The following MIAT variants were observed in gnomAD, a reference collection of about 807,000 sequenced individuals.
The protein encoded by MIAT is myocardial infarction associated transcript, also known as MI related novel mRNA.
chr22:26,668,970 T>C (rs1930952505), exon 6 of MIAT: 1 of 398,534 alleles, frequency 2.5e-6, no homozygotes, highest in South Asian at 1.3e-4. Flanking sequence ...TGGGTTTTTT[T>C]TCCTGCCATC....
intron 2 of MIAT, among the ~76,000 whole-genome samples, chr22:26,662,195 A>C (rs1446624411): frequency 6.6e-6 from 1 of 151,896 alleles, no homozygotes; most frequent in Non-Finnish European, 1.5e-5. Flanking sequence ...GGCCTCAAGC[A>C]ATTCTCCTGC....
rs546265081 is a variant in MIAT, at chr22:26,669,142, T to C, written n.3247T>C. The C allele has an allele frequency of 1.0e-5, 4 of 398,548 alleles. No individual in the cohort carries two copies. The South Asian group carries it at 5.1e-4, about 51-fold the overall frequency. 24.7% of individuals were successfully genotyped at this position (398,548 alleles called of 1,614,324 possible). A position where few individuals can be genotyped will look rare whatever the true frequency, so the allele number is the denominator to read the frequency against. ...AGGCCCCACAATCTGCAATTCCAGC[T>C]CCCTCCAGAGGAGACAGTCCCAGCG... On this transcript the variant is annotated non_coding_transcript_exon_variant, in exon 6 of 6. Coordinates refer to ENST00000643270, the Ensembl canonical transcript of MIAT.
intron 2 of MIAT, among the ~76,000 whole-genome samples, chr22:26,648,254 T>C (rs1370527184): frequency 6.6e-6 from 1 of 152,126 alleles, no homozygotes; most frequent in Non-Finnish European, 1.5e-5. Flanking sequence ...AGGGGGTCTG[T>C]TTGCAGATGG....
intron 2 of MIAT, among the ~76,000 whole-genome samples, chr22:26,649,636 A>G (rs1258338967): frequency 6.6e-6 from 1 of 152,206 alleles, no homozygotes; most frequent in East Asian, 1.9e-4. Context: ...GGTGGAGGGC[A>G]GGGCACAGTG....
At chr22:26,649,639 G>A (rs982412188) in intron 2 of MIAT, among the ~76,000 whole-genome samples, 1 of 152,234 alleles carries the variant, frequency 6.6e-6, no homozygotes, top group Non-Finnish European at 1.5e-5. Flanking sequence ...GGAGGGCAGG[G>A]CACAGTGGCT....
At chr22:26,671,735 TCA>T (rs1250473297), downstream of MIAT, 7 of 398,416 alleles carry the variant, frequency 1.8e-5, no homozygotes, top group Non-Finnish European at 3.1e-5. Context: ...TCTCTCAACC[TCA>T]GTTTCCTCAG....
rs1487878122 is a variant in MIAT, at chr22:26,658,015, C to G, written n.647-5301C>G. Among the ~76,000 whole-genome samples, 31 of 129,036 alleles carry G rather than the reference C, an allele frequency of 2.4e-4. No individual in the cohort carries two copies. The Admixed American group carries it at 2.6e-3, about 11-fold the overall frequency. 84.7% of individuals were successfully genotyped at this position (129,036 alleles called of 152,430 possible). ...TGGGAGGTGGACCCGCGGACCTTCT[C>G]GGTCCACCAGGTTAGCAATTAACTG... On this transcript the variant is annotated intron_variant and non_coding_transcript_variant, in intron 2 of 5. Coordinates refer to ENST00000643270, the Ensembl canonical transcript of MIAT.
chr22:26,675,018 G>T, exon 5 of MIAT: 1 of 398,798 alleles, frequency 2.5e-6, no homozygotes. Flanking sequence ...AGATTGATGT[G>T]CACCTACTCT....
At chr22:26,675,359 G>A (rs1423555114) in exon 5 of MIAT, 1 of 398,574 alleles carries the variant, frequency 2.5e-6, no homozygotes, top group Admixed American at 4.4e-5. Flanking sequence ...TTGCCAAGAA[G>A]TTTAGATTTT....
Position 26,655,427 on chromosome 22 carries a change from A to G in MIAT, n.647-7889A>G, listed in dbSNP as rs184554446. ...TTGCCTCTCTGAGCCTCTTTATGTG[A>G]GCGATGAAGATGATAAACAATATTC... is the stretch of plus-strand genomic sequence containing the variant. On this transcript the variant is annotated intron_variant and non_coding_transcript_variant, in intron 2 of 5. Coordinates refer to ENST00000643270, the Ensembl canonical transcript of MIAT. 7.2e-5 allele frequency among the ~76,000 whole-genome samples: 11 copies of G among 152,268 alleles called. No homozygotes were observed. The East Asian group carries it at 1.5e-3, about 21-fold the overall frequency.
downstream of MIAT, chr22:26,670,054 C>CTATT (rs1283834657): frequency 1.6e-5 from 5 of 319,416 alleles, no homozygotes; most frequent in East Asian, 4.1e-5. Context: ...TAGGGTTTAT[C>CTATT]TATTTTTTTT....
chr22:26,672,688 AG>A (rs1931094282), downstream of MIAT: 1 of 399,136 alleles, frequency 2.5e-6, no homozygotes, highest in Non-Finnish European at 4.4e-6. Context: ...CGAGGAAGGC[AG>A]GAGGGGGCGT....
At chr22:26,658,032 A>G (rs1471495581) in intron 2 of MIAT, among the ~76,000 whole-genome samples, 2 of 128,090 alleles carry the variant, frequency 1.6e-5, no homozygotes, top group South Asian at 3.0e-4. Flanking sequence ...CCAGGTTAGC[A>G]ATTAACTGGC....
At chr22:26,656,552 A>G (rs1011319841) in intron 2 of MIAT, among the ~76,000 whole-genome samples, 4 of 151,910 alleles carry the variant, frequency 2.6e-5, no homozygotes, top group Non-Finnish European at 4.4e-5. Flanking sequence ...TCTTGACCTC[A>G]GGTGATCCAC....
chr22:26,669,308 G>C (rs1639501619), exon 6 of MIAT: 1 of 398,790 alleles, frequency 2.5e-6, no homozygotes, highest in East Asian at 3.6e-5. Context: ...TTAAACATCA[G>C]GAATTTATTT....
In MIAT at chr22:26,669,190, C is replaced by A. The variant is rs192121971; in HGVS notation, n.3295C>A. 5.4e-4 allele frequency: 215 copies of A among 398,778 alleles called. 1 individual carries two copies. In the East Asian group the frequency reaches 7.3e-3, roughly 13 times the overall value. The allele number at this position is 398,778 out of a possible 1,614,324, so 24.7% of individuals were successfully genotyped here. A position where few individuals can be genotyped will look rare whatever the true frequency, so the allele number is the denominator to read the frequency against. ...GCGTTTGCAAGAGAGCAGCTTGTGG[C>A]CTCCCTTAGGCAAGTTTAAAAGCCA... On this transcript the variant is annotated non_coding_transcript_exon_variant, in exon 6 of 6. Coordinates refer to ENST00000643270, the Ensembl canonical transcript of MIAT.
chr22:26,669,068 G>A, exon 6 of MIAT: 1 of 398,648 alleles, frequency 2.5e-6, no homozygotes, highest in East Asian at 3.6e-5. Context: ...GCTGCTTCTA[G>A]TTGCACTGCT....
exon 6 of MIAT, chr22:26,669,106 G>A: frequency 2.5e-6 from 1 of 398,676 alleles, no homozygotes; most frequent in Non-Finnish European, 4.4e-6. Context: ...GGGAACAGAA[G>A]GTGGCAGGAC....
At chr22:26,670,689 A>G, downstream of MIAT, 1 of 397,996 alleles carries the variant, frequency 2.5e-6, no homozygotes. Context: ...AGAACCTTTA[A>G]AATGCTAATG....
Sources: allele counts gnomAD v4.1 joint callset (sites outside exome capture counted in the v4.1 genomes callset), GRCh38; gene constraint gnomAD v4.1.1; transcripts MANE v1.5; gene names NCBI Gene and HGNC (gene_info 2026-07-23, HGNC 2026-07-21).